Variants in DNAH8 observed in about 807,000 individuals in gnomAD.
DNAH8 encodes dynein axonemal heavy chain 8.
Under a neutral mutation model 562.1 loss-of-function variants are expected in DNAH8, and 382 were observed. The observed-to-expected ratio is 0.68, with a 90% CI of 0.63 to 0.74. The LOEUF (loss-of-function observed/expected upper bound fraction) is 0.74. Ranked by LOEUF, DNAH8 falls within the 30% of genes least tolerant of loss-of-function variation. DNAH8 has a pLI of 0.00. For missense variants in DNAH8, 5,203 were observed against 5,620.4 expected, an observed-to-expected ratio of 0.93 and a Z score of 2.37; for synonymous variants, 1,881 against 1,919.4, an observed-to-expected ratio of 0.98 and a Z score of 0.52.
chr6:38,894,036 G>A (rs1296471924), intron 58 of DNAH8, among the ~76,000 whole-genome samples: 4 of 152,094 alleles, frequency 2.6e-5, no homozygotes, highest in Non-Finnish European at 5.9e-5. Context: ...TAGTAAATTA[G>A]CATATAATAC....
intron 21 of DNAH8, among the ~76,000 whole-genome samples, chr6:38,796,861 G>A (rs1770314230): frequency 6.6e-6 from 1 of 152,152 alleles, no homozygotes; most frequent in African/African-American, 2.4e-5. Context: ...CTCGGTGTCT[G>A]AGGGGTTCTT....
intron 17 of DNAH8, 26 bp downstream of exon 17, chr6:38,783,165 A>G: frequency 3.1e-6 from 5 of 1,608,372 alleles, no homozygotes; most frequent in Non-Finnish European, 4.2e-6. Context: ...CCATGAGCCT[A>G]CAAAGTAGGG....
intron 45 of DNAH8, among the ~76,000 whole-genome samples, chr6:38,865,509 C>G (rs532576818): frequency 7.9e-5 from 12 of 152,272 alleles, no homozygotes; most frequent in African/African-American, 2.9e-4. Flanking sequence ...TAAGGATTCT[C>G]TTAAGATCCT....
At position 38,812,237 on chromosome 6, in the gene DNAH8, G is replaced by C. The variant is rs192636146; in HGVS notation, c.3258-1817G>C. ...GGAACCCTGGCTAGGCTGTCCTTGA[G>C]TTTCTCTCCATTTCTACTTCATGGA... is the stretch of plus-strand genomic sequence containing the variant. On this transcript the variant is annotated intron_variant, in intron 24 of 92. Coordinates refer to ENST00000327475, the MANE Select transcript of DNAH8 (RefSeq NM_001206927.2). Among the ~76,000 whole-genome samples, 70 of 152,192 alleles carry C rather than the reference G, an allele frequency of 4.6e-4. No individual in the cohort carries two copies. The East Asian group carries it at 6.8e-3, about 15-fold the overall frequency.
chr6:38,902,269 G>T (rs1313238073), intron 62 of DNAH8, among the ~76,000 whole-genome samples: 1 of 152,090 alleles, frequency 6.6e-6, no homozygotes, highest in Non-Finnish European at 1.5e-5. Context: ...GCTCCTCCAG[G>T]AGAGTACCTT....
chr6:38,897,196 TAAA>T (rs1779762500), intron 60 of DNAH8, among the ~76,000 whole-genome samples: 1 of 152,050 alleles, frequency 6.6e-6, no homozygotes, highest in Non-Finnish European at 1.5e-5. Flanking sequence ...TACCAAAAAA[TAAA>T]AATAAGCAAA....
chr6:38,828,085 C>CT, intron 29 of DNAH8, 99 bp from the exon 30 acceptor site: 1 of 776,114 alleles, frequency 1.3e-6, no homozygotes, highest in South Asian at 1.7e-5. Context: ...AACATGCTGT[C>CT]TTCTTCTAAG....
intron 17 of DNAH8, among the ~76,000 whole-genome samples, chr6:38,783,887 A>T (rs1485393083): frequency 6.6e-6 from 1 of 152,116 alleles, no homozygotes; most frequent in African/African-American, 2.4e-5. Context: ...TCCCTCCCAA[A>T]CCAGCGTCTC....
intron 11 of DNAH8, chr6:38,762,945 C>G (rs907606931): frequency 6.5e-6 from 2 of 310,050 alleles, no homozygotes; most frequent in African/African-American, 4.6e-5. Flanking sequence ...ATGCTGAAAA[C>G]AGTTGATCCC....
chr6:38,875,029 T>C (rs1162472676), intron 52 of DNAH8, among the ~76,000 whole-genome samples: 1 of 152,204 alleles, frequency 6.6e-6, no homozygotes, highest in Non-Finnish European at 1.5e-5. Flanking sequence ...ATAAATATTT[T>C]AGGCTTTGCA....
chr6:38,752,062 A>G (rs984699691), intron 9 of DNAH8, among the ~76,000 whole-genome samples: 9 of 152,212 alleles, frequency 5.9e-5, no homozygotes, highest in African/African-American at 1.9e-4. Flanking sequence ...CCAAATTGGA[A>G]TCTAGCTATC....
At chr6:38,768,242 C>T (rs1767212481) in intron 11 of DNAH8, among the ~76,000 whole-genome samples, 1 of 151,946 alleles carries the variant, frequency 6.6e-6, no homozygotes, top group African/African-American at 2.4e-5. Context: ...TTTGCAAATA[C>T]ACTATTGCTT....
At chr6:38,850,184 G>A in intron 37 of DNAH8, 67 bp from the exon 38 acceptor site, 1 of 1,475,522 alleles carries the variant, frequency 6.8e-7, no homozygotes, top group African/African-American at 1.4e-5. Context: ...AAAATTCCAA[G>A]GTGAAGACTT....
intron 21 of DNAH8, among the ~76,000 whole-genome samples, chr6:38,796,665 TA>T (rs1562816310): frequency 1.6e-4 from 25 of 152,266 alleles, no homozygotes; most frequent in Non-Finnish European, 3.2e-4. Flanking sequence ...TCGTTCTGAT[TA>T]CCGGTGCATG....
intron 18 of DNAH8, among the ~76,000 whole-genome samples, chr6:38,788,120 T>A (rs1769349522): frequency 6.6e-6 from 1 of 151,412 alleles, no homozygotes; most frequent in Non-Finnish European, 1.5e-5. Context: ...AATTTTATAA[T>A]CAATAATATA....
chr6:38,789,536 A>C (rs1769499056), intron 18 of DNAH8, among the ~76,000 whole-genome samples: 1 of 152,234 alleles, frequency 6.6e-6, no homozygotes, highest in Admixed American at 6.5e-5. Context: ...TAATAATTCA[A>C]ACTACTTAAT....
At position 38,967,352 on chromosome 6, in the gene DNAH8, T is replaced by C. The variant is rs116708298; in HGVS notation, c.12452-4240T>C. ...AAAGGAAGAAGTAAAACTGCCTCTA[T>C]GATTGTGACATGAATTTGTGCATAA... On this transcript the variant is annotated intron_variant, in intron 82 of 92. Coordinates refer to ENST00000327475, the MANE Select transcript of DNAH8 (RefSeq NM_001206927.2). 1.7e-3 allele frequency among the ~76,000 whole-genome samples: 256 copies of C among 151,636 alleles called. 1 individual carries two copies. Among genetic ancestry groups the C allele is most frequent in the Non-Finnish European group, 2.5e-3 (170 of 67,934 alleles).
intron 85 of DNAH8, 60 bp downstream of exon 85, chr6:38,974,589 T>C (rs1251374261): frequency 2.1e-6 from 3 of 1,402,910 alleles, no homozygotes; most frequent in East Asian, 2.3e-5. Flanking sequence ...TGAGGCCCCA[T>C]TGGAGAGGCT....
chr6:39,021,304 A>C (rs574465092), intron 91 of DNAH8, among the ~76,000 whole-genome samples: 1 of 151,732 alleles, frequency 6.6e-6, no homozygotes, highest in Non-Finnish European at 1.5e-5. Context: ...CTCTTGATCT[A>C]CCTACTGAAT....
Sources: allele counts gnomAD v4.1 joint callset (sites outside exome capture counted in the v4.1 genomes callset), GRCh38; gene constraint gnomAD v4.1.1; transcripts MANE v1.5; gene names NCBI Gene and HGNC (gene_info 2026-07-23, HGNC 2026-07-21).